The following PURA variants were observed in gnomAD, a reference collection of about 807,000 sequenced individuals.
The protein encoded by PURA is transcriptional activator protein Pur-alpha.
A neutral mutation model predicts 23.1 loss-of-function variants in PURA; 2 were observed. That is an observed-to-expected ratio of 0.09 (90% confidence interval 0.04 to 0.27). PURA has a LOEUF of 0.27. Among genes scored for constraint, PURA ranks in the 10% least tolerant of loss-of-function variants. The probability of loss-of-function intolerance (pLI) is 1.00; values close to 1 mark genes in which losing one functional copy is unlikely to be tolerated. For missense variants in PURA, 187 were observed against 449.7 expected (o/e 0.42, Z 5.28); for synonymous variants, 254 against 205.9 (o/e 1.23, Z -2.00).
In PURA at chr5:140,123,551, ATATTT is replaced by A. The variant is rs1481701463; in HGVS notation, c.*8405_*8409del. ...AAGCAAAAATTATATGCAATTAAAA[ATATTT>A]TATAAGGCCAAGAAAATATTTCTTA... On this transcript the variant is annotated 3_prime_UTR_variant, in exon 1 of 1. Coordinates refer to ENST00000331327, the MANE Select transcript of PURA (RefSeq NM_005859.5). 2 of 166,392 alleles carry A rather than the reference ATATTT, an allele frequency of 1.2e-5. No individual in the cohort carries two copies. Among genetic ancestry groups the A allele is most frequent in the East Asian group, 1.9e-4 (1 of 5,210 alleles). 10.3% of individuals were successfully genotyped at this position (166,392 alleles called of 1,614,324 possible).
Position 140,114,376 on chromosome 5 carries a change from G to A in PURA, c.195G>A (p.Arg65=), listed in dbSNP as rs1233825256. ...AGACGCAGGAGCTGGCCTCCAAGCGGGTGGACATCCAGAACAAGCGCTTCT... is the reference window on the plus strand; with the variant it reads ...AGACGCAGGAGCTGGCCTCCAAGCGAGTGGACATCCAGAACAAGCGCTTCT... ...QHETQELASK[R]VDIQNKRFYL... is the part of the protein sequence containing the mutation. Residue 65 remains arginine, a synonymous_variant, in exon 1 of 1, where the codon CGG becomes CGA. Transcript: ENST00000331327. 6.2e-7 allele frequency: 1 copy of A among 1,608,364 alleles called. No homozygotes were observed. Among genetic ancestry groups the A allele is most frequent in the Non-Finnish European group, 8.5e-7 (1 of 1,179,194 alleles).
chr5:140,118,455 T>C lies in PURA; in HGVS notation c.*3305T>C, dbSNP rs1347475738. On this transcript the variant is annotated 3_prime_UTR_variant, in exon 1 of 1. Coordinates refer to ENST00000331327, the MANE Select transcript of PURA (RefSeq NM_005859.5). ...AATTTTTTTTAAGCTACTTTTTATTTGTGCCTCCTATTTATCATGCTGATG... is the reference window on the plus strand; with the variant it reads ...AATTTTTTTTAAGCTACTTTTTATTCGTGCCTCCTATTTATCATGCTGATG... 1 of 167,014 alleles carries C rather than the reference T, an allele frequency of 6.0e-6. No individual in the cohort carries two copies. The highest frequency in any genetic ancestry group is 1.5e-5 in the Non-Finnish European group (1 of 68,078). The allele number at this position is 167,014 out of a possible 1,614,324, so 10.3% of individuals were successfully genotyped here.
rs1170465237 is a variant in PURA at position 140,123,666 on chromosome 5, G to A, written c.*8516G>A. 2 of 166,690 alleles carry A rather than the reference G, an allele frequency of 1.2e-5. No homozygotes were observed. The highest frequency in any genetic ancestry group is 2.9e-5 in the Non-Finnish European group (2 of 68,064). The allele number at this position is 166,690 out of a possible 1,614,324, so 10.3% of individuals were successfully genotyped here. ...TGCCAATAAAATCCTTTGTAAATGT[G>A]AGCTTTATTAAACTGTTTAAATAGA... On this transcript the variant is annotated 3_prime_UTR_variant, in exon 1 of 1. Coordinates refer to ENST00000331327, the MANE Select transcript of PURA (RefSeq NM_005859.5).
chr5:140,114,815 G>A lies in PURA; in HGVS notation c.634G>A (p.Glu212Lys). The change falls in exon 1 of 1, where the codon GAG (glutamate) becomes AAG (lysine). Residue 212 changes from glutamate to lysine, a missense_variant. Physicochemically the swap from Glu to Lys is moderately conservative, Grantham distance 56. Transcript: ENST00000331327. Reference sequence around the variant, plus strand: ...CAAGCTCATCGACGACTACGGAGTGGAGGAGGAGCCGGCCGAGCTGCCCGA... The same window carrying A: ...CAAGCTCATCGACGACTACGGAGTGAAGGAGGAGCCGGCCGAGCTGCCCGA... ...LAKLIDDYGV[E>K]EEPAELPEGT... 1 of 1,614,124 alleles carries A rather than the reference G, an allele frequency of 6.2e-7. No individual in the cohort carries two copies. The highest frequency in any genetic ancestry group is 1.3e-5 in the African/African-American group (1 of 75,060).
In PURA at chr5:140,121,079, G is replaced by T. The variant is rs1047894382; in HGVS notation, c.*5929G>T. 6.0e-6 allele frequency: 1 copy of T among 166,812 alleles called. No individual in the cohort carries two copies. The highest frequency in any genetic ancestry group is 2.4e-5 in the African/African-American group (1 of 41,404). The allele number at this position is 166,812 out of a possible 1,614,324, so 10.3% of individuals were successfully genotyped here. ...ACACACATTGTTTTGATAATTATTA[G>T]CAATTAGCTTATTTTGTAGCATTAG... On this transcript the variant is annotated 3_prime_UTR_variant, in exon 1 of 1. Transcript: ENST00000331327.
chr5:140,119,256 A>G lies in PURA; in HGVS notation c.*4106A>G, dbSNP rs1343501346. ...GAAGAGAGAGATTAAGGATTTTTAT[A>G]ATTGTTTTTCATCAAATTTTAATAT... On this transcript the variant is annotated 3_prime_UTR_variant, in exon 1 of 1. Transcript: ENST00000331327. 6.0e-6 allele frequency: 1 copy of G among 166,866 alleles called. No homozygotes were observed. Among genetic ancestry groups the G allele is most frequent in the Non-Finnish European group, 1.5e-5 (1 of 67,986 alleles). The allele number at this position is 166,866 out of a possible 1,614,324, so 10.3% of individuals were successfully genotyped here.
At position 140,125,519 on chromosome 5, in the gene PURA, A is replaced by T. The variant is rs1394864107; in HGVS notation, c.*10369A>T. Reference sequence around the variant, plus strand: ...GCAGGGTAGAGTTTGATAAACCACAATGCTCAGGATGCCAAGGGGTTAGCC... The same window carrying T: ...GCAGGGTAGAGTTTGATAAACCACATTGCTCAGGATGCCAAGGGGTTAGCC... On this transcript the variant is annotated 3_prime_UTR_variant, in exon 1 of 1. Coordinates refer to ENST00000331327, the MANE Select transcript of PURA (RefSeq NM_005859.5). The T allele has an allele frequency of 6.0e-6, 1 of 166,974 alleles. No individual in the cohort carries two copies. The highest frequency in any genetic ancestry group is 1.9e-4 in the East Asian group (1 of 5,184). The allele number at this position is 166,974 out of a possible 1,614,324, so 10.3% of individuals were successfully genotyped here.
Position 140,114,868 on chromosome 5 carries a change from G to A in PURA, c.687G>A (p.Lys229=), listed in dbSNP as rs1471101060. Residue 229 remains lysine, a synonymous_variant, in exon 1 of 1, where the codon AAG becomes AAA. Transcript: ENST00000331327. ...PEGTSLTVDN[K]RFFFDVGSNK... is the part of the protein sequence containing the mutation. ...GCACCTCCTTGACTGTGGACAACAA[G>A]CGCTTCTTCTTCGATGTGGGCTCCA... is the stretch of plus-strand genomic sequence containing the variant. The A allele has an allele frequency of 6.2e-7, 1 of 1,614,272 alleles. No homozygotes were observed. Among genetic ancestry groups the A allele is most frequent in the African/African-American group, 1.3e-5 (1 of 75,076 alleles).
At position 140,114,849 on chromosome 5, in the gene PURA, C is replaced by T. The variant is rs753835271; in HGVS notation, c.668C>T (p.Ser223Phe). Residue 223 changes from serine (S) to phenylalanine (F), a missense_variant, in exon 1 of 1, where the codon TCC (serine) becomes TTC (phenylalanine). Ser to Phe is a radical substitution (Grantham distance 155). Coordinates refer to ENST00000331327, the MANE Select transcript of PURA (RefSeq NM_005859.5). Reference sequence around the variant, plus strand: ...CCGGCCGAGCTGCCCGAGGGCACCTCCTTGACTGTGGACAACAAGCGCTTC... The same window carrying T: ...CCGGCCGAGCTGCCCGAGGGCACCTTCTTGACTGTGGACAACAAGCGCTTC... ...EEPAELPEGT[S>F]LTVDNKRFFF... 2 of 1,614,208 alleles carry T rather than the reference C, an allele frequency of 1.2e-6. No individual in the cohort carries two copies. Among genetic ancestry groups the T allele is most frequent in the Non-Finnish European group, 1.7e-6 (2 of 1,180,034 alleles).
rs1490816672 is a variant in PURA at position 140,114,133 on chromosome 5, G to C, written c.-49G>C. On this transcript the variant is annotated 5_prime_UTR_variant, in exon 1 of 1. Coordinates refer to ENST00000331327, the MANE Select transcript of PURA (RefSeq NM_005859.5). ...CAGCGGCGGCTGAGGCGACTGAGGC[G>C]GCGGGCGGAGCGGCAGGCGGCGGCG... The C allele has an allele frequency of 2.3e-6, 1 of 430,306 alleles. No individual in the cohort carries two copies. Among genetic ancestry groups the C allele is most frequent in the African/African-American group, 2.1e-5 (1 of 47,456 alleles). 26.7% of individuals were successfully genotyped at this position (430,306 alleles called of 1,614,324 possible). A position where few individuals can be genotyped will look rare whatever the true frequency, so the allele number is the denominator to read the frequency against.
chr5:140,114,891 C>G lies in PURA; in HGVS notation c.710C>G (p.Ser237Cys). 6.2e-7 allele frequency: 1 copy of G among 1,614,246 alleles called. No homozygotes were observed. The highest frequency in any genetic ancestry group is 8.5e-7 in the Non-Finnish European group (1 of 1,180,044). The change falls in exon 1 of 1, where the codon TCC becomes TGC. Residue 237 changes from serine to cysteine, a missense_variant. By Grantham distance (112) the Ser-to-Cys change is moderately radical. This residue lies in a region of PURA where 65 missense variants were observed against 158.6 expected (regional missense o/e 0.41). Transcript: ENST00000331327. ...AAGCGCTTCTTCTTCGATGTGGGCT[C>G]CAACAAGTACGGCGTGTTTATGCGA... ...DNKRFFFDVGSNKYGVFMRVS... is the reference protein window; with the variant it reads ...DNKRFFFDVGCNKYGVFMRVS...
Position 140,119,228 on chromosome 5 carries a change from T to G in PURA, c.*4078T>G, listed in dbSNP as rs1763123267. Reference sequence around the variant, plus strand: ...TAGGAGTGGGAAGACTGCCTCCTTTTTTGAAGAGAGAGATTAAGGATTTTT... The same window carrying G: ...TAGGAGTGGGAAGACTGCCTCCTTTGTTGAAGAGAGAGATTAAGGATTTTT... On this transcript the variant is annotated 3_prime_UTR_variant, in exon 1 of 1. Coordinates refer to ENST00000331327, the MANE Select transcript of PURA (RefSeq NM_005859.5). 6.0e-6 allele frequency: 1 copy of G among 166,876 alleles called. No individual in the cohort carries two copies. Among genetic ancestry groups the G allele is most frequent in the African/African-American group, 2.4e-5 (1 of 41,430 alleles). 10.3% of individuals were successfully genotyped at this position (166,876 alleles called of 1,614,324 possible).
rs565909180 is a variant in PURA, at chr5:140,118,472, A to C, written c.*3322A>C. 1.3e-3 allele frequency: 219 copies of C among 167,056 alleles called. No homozygotes were observed. Among genetic ancestry groups the C allele is most frequent in the African/African-American group, 4.3e-3 (178 of 41,524 alleles). The allele number at this position is 167,056 out of a possible 1,614,324, so 10.3% of individuals were successfully genotyped here. A position where few individuals can be genotyped will look rare whatever the true frequency, so the allele number is the denominator to read the frequency against. On this transcript the variant is annotated 3_prime_UTR_variant, in exon 1 of 1. Coordinates refer to ENST00000331327, the MANE Select transcript of PURA (RefSeq NM_005859.5). ...TTTTTATTTGTGCCTCCTATTTATC[A>C]TGCTGATGTTAGAAGCAGCAGTCAT...
At position 140,122,216 on chromosome 5, in the gene PURA, G is replaced by C. The variant is rs953145875; in HGVS notation, c.*7066G>C. The C allele has an allele frequency of 3.0e-5, 5 of 166,808 alleles. No homozygotes were observed. The allele number at this position is 166,808 out of a possible 1,614,324, so 10.3% of individuals were successfully genotyped here. ...CTGGTCAAGGCAAGTGGATGCTGGG[G>C]AGTTATTATTTTGAGGAAAAGAAAA... On this transcript the variant is annotated 3_prime_UTR_variant, in exon 1 of 1. Transcript: ENST00000331327.
At position 140,116,500 on chromosome 5, in the gene PURA, T is replaced by C. The variant is rs549584071; in HGVS notation, c.*1350T>C. On this transcript the variant is annotated 3_prime_UTR_variant, in exon 1 of 1. Coordinates refer to ENST00000331327, the MANE Select transcript of PURA (RefSeq NM_005859.5). The stretch of plus-strand genomic sequence containing the variant: ...TTTGTGTTCCCCAAGTGTACAAGCC[T>C]TCTATCAAAAGTATGTTCTATAACT... The C allele has an allele frequency of 1.2e-5, 2 of 167,170 alleles. No individual in the cohort carries two copies. Among genetic ancestry groups the C allele is most frequent in the South Asian group, 4.1e-4 (2 of 4,824 alleles). The allele number at this position is 167,170 out of a possible 1,614,324, so 10.4% of individuals were successfully genotyped here. A position where few individuals can be genotyped will look rare whatever the true frequency, so the allele number is the denominator to read the frequency against.
chr5:140,114,160 C>CGCGGCAGCGGA lies in PURA; in HGVS notation c.-18_-8dup, dbSNP rs1763033785. 3 of 623,474 alleles carry CGCGGCAGCGGA rather than the reference C, an allele frequency of 4.8e-6. No individual in the cohort carries two copies. Among genetic ancestry groups the CGCGGCAGCGGA allele is most frequent in the Admixed American group, 4.8e-5 (1 of 20,994 alleles). 38.6% of individuals were successfully genotyped at this position (623,474 alleles called of 1,614,324 possible). ...CGGGCGGAGCGGCAGGCGGCGGCGG[C>CGCGGCAGCGGA]GCGGCAGCGGAGCGCAGCATCATGG... On this transcript the variant is annotated 5_prime_UTR_variant, in exon 1 of 1. Transcript: ENST00000331327.
chr5:140,115,261 T>TAAA lies in PURA; in HGVS notation c.*124_*126dup, dbSNP rs80110625. The TAAA allele has an allele frequency of 4.0e-5, 21 of 527,240 alleles. No homozygotes were observed. Among genetic ancestry groups the TAAA allele is most frequent in the Non-Finnish European group, 6.1e-5 (21 of 342,492 alleles). The allele number at this position is 527,240 out of a possible 1,614,324, so 32.7% of individuals were successfully genotyped here. ...GAGAGAAAATAAAAAGTTAAAAAGT[T>TAAA]AAAAAAAAAAAAAAACCTGTTAACT... On this transcript the variant is annotated 3_prime_UTR_variant, in exon 1 of 1. Transcript: ENST00000331327. The surrounding 1 kb of genome is among the most constrained non-coding windows in gnomAD (Gnocchi z 4.1).
rs1363354252 is a variant in PURA at position 140,119,897 on chromosome 5, T to C, written c.*4747T>C. 6.0e-6 allele frequency: 1 copy of C among 166,612 alleles called. No homozygotes were observed. Among genetic ancestry groups the C allele is most frequent in the Non-Finnish European group, 1.5e-5 (1 of 67,948 alleles). 10.3% of individuals were successfully genotyped at this position (166,612 alleles called of 1,614,324 possible). The stretch of plus-strand genomic sequence containing the variant: ...ATACACACACATTTCCAGATAATTT[T>C]AGAATGGGGCTATCTGAAATTGATG... On this transcript the variant is annotated 3_prime_UTR_variant, in exon 1 of 1. Transcript: ENST00000331327.
In PURA at chr5:140,120,315, A is replaced by T. The variant is rs1400693124; in HGVS notation, c.*5165A>T. 6.0e-6 allele frequency: 1 copy of T among 166,806 alleles called. No individual in the cohort carries two copies. Among genetic ancestry groups the T allele is most frequent in the Admixed American group, 6.6e-5 (1 of 15,242 alleles). The allele number at this position is 166,806 out of a possible 1,614,324, so 10.3% of individuals were successfully genotyped here. A position where few individuals can be genotyped will look rare whatever the true frequency, so the allele number is the denominator to read the frequency against. The stretch of plus-strand genomic sequence containing the variant: ...ATAAGTAGGAGAGATAATTTATTGG[A>T]ATTGCTTACATAGATAAATTCACCA... On this transcript the variant is annotated 3_prime_UTR_variant, in exon 1 of 1. Transcript: ENST00000331327.
Sources: allele counts gnomAD v4.1 joint callset, GRCh38; gene constraint gnomAD v4.1.1; regional missense constraint gnomAD v4.1.1; non-coding constraint Gnocchi (gnomAD v3.1); transcripts MANE v1.5; gene names NCBI Gene and HGNC (gene_info 2026-07-23, HGNC 2026-07-21).